INTS4: variants seen among roughly 807,000 people sequenced by gnomAD.
INTS4 encodes MSTP093.
INTS4 carries 70 observed loss-of-function variants against 119.5 expected under a neutral mutation model. The observed-to-expected ratio is 0.59, with a 90% CI of 0.48 to 0.71. The LOEUF (loss-of-function observed/expected upper bound fraction) is 0.71. Among genes scored for constraint, INTS4 ranks in the 30% least tolerant of loss-of-function variants. The pLI is 0.00. For missense variants in INTS4, 867 were observed against 1,173.2 expected (o/e 0.74, Z 3.81); for synonymous variants, 316 against 419.6 (o/e 0.75, Z 3.02).
intron 21 of INTS4, chr11:77,884,930 T>A (rs1391310996): frequency 4.4e-6 from 1 of 229,608 alleles, no homozygotes; most frequent in African/African-American, 2.2e-5. Context: ...ATTTTCTTTT[T>A]AAATTTTTTT....
chr11:77,913,875 C>G (rs1425904878), intron 15 of INTS4, among the ~76,000 whole-genome samples: 1 of 151,976 alleles, frequency 6.6e-6, no homozygotes, highest in South Asian at 2.1e-4. Context: ...CATCAGAGAA[C>G]CTTCTGTATG....
At chr11:77,981,680 T>A in intron 2 of INTS4, 104 bp from the exon 3 acceptor site, 1 of 490,742 alleles carries the variant, frequency 2.0e-6, no homozygotes, top group Non-Finnish European at 3.6e-6. Context: ...ATGATCCAAG[T>A]ATTCTATGGC....
At chr11:77,956,690 G>C (rs565237461) in intron 7 of INTS4, among the ~76,000 whole-genome samples, 1 of 147,244 alleles carries the variant, frequency 6.8e-6, no homozygotes, top group Non-Finnish European at 1.5e-5. Flanking sequence ...CTGGGCAACA[G>C]AGCGAGACTC....
chr11:77,941,540 T>C (rs1953930226), intron 8 of INTS4, among the ~76,000 whole-genome samples: 1 of 151,810 alleles, frequency 6.6e-6, no homozygotes, highest in Admixed American at 6.6e-5. Context: ...CTCAGCTCAT[T>C]GCAACCTCTG....
In INTS4 at chr11:77,961,143, T is replaced by TAAAAAAAAAAAAAAAAAAAAAAAAAAAAA. The variant is rs11370501; in HGVS notation, c.472-6_472-5insTTTTTTTTTTTTTTTTTTTTTTTTTTTTT. 9.2e-7 allele frequency: 1 copy of TAAAAAAAAAAAAAAAAAAAAAAAAAAAAA among 1,084,348 alleles called. No individual in the cohort carries two copies. Among genetic ancestry groups the TAAAAAAAAAAAAAAAAAAAAAAAAAAAAA allele is most frequent in the Non-Finnish European group, 1.2e-6 (1 of 860,242 alleles). The allele number at this position is 1,084,348 out of a possible 1,614,324, so 67.2% of individuals were successfully genotyped here. A position where few individuals can be genotyped will look rare whatever the true frequency, so the allele number is the denominator to read the frequency against. On this transcript the variant is annotated splice_region_variant and splice_polypyrimidine_tract_variant and intron_variant, in intron 4 of 22. Transcript: ENST00000534064. Reference sequence around the variant, plus strand: ...ATGAGACGTATCTGTCAGATGCTATTAAAAAAAAAAAAAAAAAGAAAAAAA... The same window carrying TAAAAAAAAAAAAAAAAAAAAAAAAAAAAA: ...ATGAGACGTATCTGTCAGATGCTATTAAAAAAAAAAAAAAAAAAAAAAAAAAAAAAAAAAAAAAAAAAAAAAGAAAAAAA...
In INTS4 at chr11:77,921,382, G is replaced by A. The variant is rs1953357576; in HGVS notation, c.1722C>T (p.Ala574=). The change falls in exon 14 of 23, where the codon GCC becomes GCT. Residue 574 remains alanine (A), a synonymous_variant. Transcript: ENST00000534064. ...GATGAGAAAGACTGTCTCGGAGGTAGGCATAGTGCCTGAAGGTGTGATCTG... is the reference window on the plus strand; with the variant it reads ...GATGAGAAAGACTGTCTCGGAGGTAAGCATAGTGCCTGAAGGTGTGATCTG... ...LFSDHTFRHY[A]YLRDSLSHLV... The A allele has an allele frequency of 3.1e-6, 5 of 1,613,468 alleles. No individual in the cohort carries two copies. The highest frequency in any genetic ancestry group is 3.4e-6 in the Non-Finnish European group (4 of 1,179,390).
intron 4 of INTS4, among the ~76,000 whole-genome samples, chr11:77,973,105 G>A (rs1291417099): frequency 6.6e-6 from 1 of 152,040 alleles, no homozygotes; most frequent in East Asian, 1.9e-4. Context: ...ACCTCCCATA[G>A]TGCTGGGATT....
chr11:77,979,273 C>T lies in INTS4; in HGVS notation c.365-171G>A, dbSNP rs546992494. ...ATCCCTTGAGCCCAGGAGTTCAAGA[C>T]GAGCCTGGGCAACATAGGGAGACTC... On this transcript the variant is annotated intron_variant, in intron 3 of 22. Transcript: ENST00000534064. Among the ~76,000 whole-genome samples, 62 of 152,138 alleles carry T rather than the reference C, an allele frequency of 4.1e-4. No homozygotes were observed. In the East Asian group the frequency reaches 0.011, roughly 27 times the overall value.
intron 15 of INTS4, among the ~76,000 whole-genome samples, chr11:77,915,691 G>A (rs556869741): frequency 1.4e-4 from 22 of 152,294 alleles, no homozygotes; most frequent in Non-Finnish European, 2.5e-4. Flanking sequence ...GCTAACAGCA[G>A]TTGGTACTTA....
intron 19 of INTS4, among the ~76,000 whole-genome samples, chr11:77,893,593 A>G (rs1467171480): frequency 6.6e-6 from 1 of 152,178 alleles, no homozygotes; most frequent in African/African-American, 2.4e-5. Flanking sequence ...ACCCTGTCTC[A>G]AAAAATAATA....
chr11:77,992,112 A>G (rs1314527447), intron 1 of INTS4, among the ~76,000 whole-genome samples: 6 of 151,960 alleles, frequency 3.9e-5, no homozygotes, highest in Non-Finnish European at 8.8e-5. Context: ...GAAAACAAAT[A>G]TCAGACATGG....
At chr11:77,964,564 ACT>A (rs10584867) in intron 4 of INTS4, among the ~76,000 whole-genome samples, 19,726 of 151,732 alleles carry the variant, frequency 0.13, 1,456 homozygotes, top group East Asian at 0.25. Flanking sequence ...ACAGAGCGAG[ACT>A]CTTTCTCAAA....
intron 12 of INTS4, among the ~76,000 whole-genome samples, chr11:77,923,378 C>T (rs1201387746): frequency 2.0e-5 from 3 of 150,656 alleles, no homozygotes; most frequent in Middle Eastern, 3.2e-3. Flanking sequence ...CCCTGGTAAC[C>T]TGTTGAATGA....
chr11:77,994,556 G>T (rs1409952824), intron 1 of INTS4, 34 bp downstream of exon 1: 1 of 1,520,084 alleles, frequency 6.6e-7, no homozygotes, highest in South Asian at 1.1e-5. Flanking sequence ...ACCCTGGTCC[G>T]GATCGGTTCT....
chr11:77,933,759 C>T (rs1335133517), intron 10 of INTS4, among the ~76,000 whole-genome samples: 3 of 151,736 alleles, frequency 2.0e-5, no homozygotes, highest in African/African-American at 7.3e-5. Flanking sequence ...GCCCAGCAGC[C>T]GCCCGTCTGG....
downstream of INTS4, among the ~76,000 whole-genome samples, chr11:77,878,252 C>T (rs989707211): frequency 4.6e-5 from 7 of 151,984 alleles, no homozygotes; most frequent in South Asian, 2.1e-4. Flanking sequence ...GTCCCACCTA[C>T]TCAGGAGGCT....
At chr11:77,971,351 C>T (rs1346914529) in intron 4 of INTS4, among the ~76,000 whole-genome samples, 6 of 151,638 alleles carry the variant, frequency 4.0e-5, no homozygotes, top group Non-Finnish European at 8.8e-5. Context: ...CTTAGATAGT[C>T]TAAATACAAT....
chr11:77,935,736 A>T (rs1953772381), intron 10 of INTS4, among the ~76,000 whole-genome samples: 1 of 151,918 alleles, frequency 6.6e-6, no homozygotes, highest in Admixed American at 6.6e-5. Context: ...TCTCTACAAA[A>T]AATACAAAAA....
chr11:77,950,236 G>A (rs1035220621), intron 8 of INTS4, among the ~76,000 whole-genome samples: 2 of 152,094 alleles, frequency 1.3e-5, no homozygotes, highest in African/African-American at 4.8e-5. Flanking sequence ...GGCTGGGGGA[G>A]GGACAGCATT....
Sources: gnomAD v4.1 joint callset for allele counts (sites outside exome capture counted in the v4.1 genomes callset) on GRCh38, gnomAD v4.1.1 for gene constraint, MANE v1.5 for transcripts, NCBI Gene and HGNC (gene_info 2026-07-23, HGNC 2026-07-21) for gene names.